Variants in NCALD observed in about 807,000 individuals in gnomAD.
The protein encoded by NCALD is neurocalcin-delta.
A neutral mutation model predicts 18.6 loss-of-function variants in NCALD; 10 were observed. The ratio of observed to expected loss-of-function variants is 0.54; its 90% confidence interval spans 0.33 to 0.91. The LOEUF (loss-of-function observed/expected upper bound fraction) is 0.91. Among genes scored for constraint, NCALD ranks in the 40% least tolerant of loss-of-function variants. The pLI is 0.03. For synonymous variants in NCALD, 88 were observed against 87.4 expected, an observed-to-expected ratio of 1.01 and a Z score of -0.04; for missense variants, 184 against 247.6, an observed-to-expected ratio of 0.74 and a Z score of 1.72.
intron 2 of NCALD, among the ~76,000 whole-genome samples, chr8:101,925,649 G>A (rs1586763991): frequency 1.3e-5 from 2 of 152,234 alleles, no homozygotes; most frequent in East Asian, 3.9e-4. Context: ...TGCCAATGAT[G>A]TCCTTGAGGG....
intron 1 of NCALD, among the ~76,000 whole-genome samples, chr8:102,114,251 C>T (rs1825719272): frequency 6.6e-6 from 1 of 152,248 alleles, no homozygotes; most frequent in African/African-American, 2.4e-5. Context: ...GATCACCCAT[C>T]CCTACCAGGA....
At chr8:101,695,612 C>A (rs1814955147) in intron 2 of NCALD, among the ~76,000 whole-genome samples, 1 of 152,130 alleles carries the variant, frequency 6.6e-6, no homozygotes, top group South Asian at 2.1e-4. Context: ...CAAAATGTTA[C>A]CCTCCTCCAG....
rs749400627 is a variant in NCALD, at chr8:101,745,069, C to T, written c.-19-25421G>A. On this transcript the variant is annotated intron_variant, in intron 1 of 3. Transcript: ENST00000220931. ...GGGTGGGGGGGACTATTCATTTCAC[C>T]GAGAACGTCCTTGATAAAGCAGTAA... Among the ~76,000 whole-genome samples the T allele has an allele frequency of 3.3e-5, 5 of 151,380 alleles. No homozygotes were observed. The South Asian group carries it at 6.3e-4, about 19-fold the overall frequency.
At chr8:101,917,181 A>G (rs1348393981) in intron 2 of NCALD, among the ~76,000 whole-genome samples, 1 of 152,108 alleles carries the variant, frequency 6.6e-6, no homozygotes, top group Non-Finnish European at 1.5e-5. Context: ...AATAGAAATA[A>G]ACTCCAAGAT....
intron 4 of NCALD, among the ~76,000 whole-genome samples, chr8:101,831,652 C>T (rs959016228): frequency 6.6e-6 from 1 of 152,144 alleles, no homozygotes; most frequent in Non-Finnish European, 1.5e-5. Flanking sequence ...ACCCACAGTT[C>T]CTTGTGGCCC....
chr8:101,692,339 C>A (rs2086092931), intron 3 of NCALD: 3 of 985,242 alleles, frequency 3.0e-6, no homozygotes, highest in Admixed American at 6.1e-5. Context: ...TCAGTGCATG[C>A]ACAGGAGACC....
intron 4 of NCALD, among the ~76,000 whole-genome samples, chr8:101,866,164 A>G (rs1815763027): frequency 6.6e-6 from 1 of 152,218 alleles, no homozygotes; most frequent in Non-Finnish European, 1.5e-5. Context: ...CCAATGGTCA[A>G]TTCTCAGCCT....
At chr8:102,107,062 C>T (rs190181750) in intron 1 of NCALD, among the ~76,000 whole-genome samples, 1 of 151,198 alleles carries the variant, frequency 6.6e-6, no homozygotes, top group Non-Finnish European at 1.5e-5. Flanking sequence ...ACTATTTAAT[C>T]ATTCTGAACT....
intron 4 of NCALD, among the ~76,000 whole-genome samples, chr8:101,831,889 T>C (rs1478025590): frequency 1.3e-5 from 2 of 152,226 alleles, no homozygotes; most frequent in Non-Finnish European, 2.9e-5. Flanking sequence ...GCATGGAAAC[T>C]CTGCACTGGC....
intron 2 of NCALD, among the ~76,000 whole-genome samples, chr8:101,917,546 T>G (rs1818012404): frequency 6.6e-6 from 1 of 152,038 alleles, no homozygotes; most frequent in African/African-American, 2.4e-5. Flanking sequence ...AACTAAAAGT[T>G]GGTTCTTTGA....
intron 2 of NCALD, among the ~76,000 whole-genome samples, chr8:101,977,026 A>G (rs1820448394): frequency 6.6e-6 from 1 of 152,166 alleles, no homozygotes; most frequent in Non-Finnish European, 1.5e-5. Context: ...ACTTCATCTC[A>G]CCATGATCTT....
At position 102,049,392 on chromosome 8, in the gene NCALD, GA is replaced by G. The variant is rs551754428; in HGVS notation, c.-209-29104del. Among the ~76,000 whole-genome samples the G allele has an allele frequency of 2.8e-3, 427 of 152,208 alleles. 3 individuals are homozygous for G. In the Middle Eastern group the frequency reaches 0.037, roughly 13 times the overall value. ...TGATAGCTCACTTCCTTTTATCGCT[GA>G]AAAAATATTCCATTGTATGGATGTG... is the stretch of plus-strand genomic sequence containing the variant. On this transcript the variant is annotated intron_variant, in intron 1 of 6. Transcript: ENST00000311028.
intron 4 of NCALD, among the ~76,000 whole-genome samples, chr8:101,855,706 A>G (rs997108714): frequency 6.6e-6 from 1 of 152,178 alleles, no homozygotes; most frequent in African/African-American, 2.4e-5. Flanking sequence ...GCATAGGTGG[A>G]AAATGACATT....
upstream of NCALD, among the ~76,000 whole-genome samples, chr8:101,792,339 T>C (rs920392791): frequency 1.3e-5 from 2 of 152,214 alleles, no homozygotes; most frequent in African/African-American, 4.8e-5. Context: ...TTCAAATCAC[T>C]TGGTCATAGA....
At chr8:101,951,240 C>A (rs1159760835) in intron 2 of NCALD, among the ~76,000 whole-genome samples, 1 of 152,140 alleles carries the variant, frequency 6.6e-6, no homozygotes, top group Non-Finnish European at 1.5e-5. Flanking sequence ...AATGGTACCC[C>A]ATGTTTTTTA....
chr8:101,812,391 C>G (rs145420089), intron 4 of NCALD, among the ~76,000 whole-genome samples: 7 of 152,196 alleles, frequency 4.6e-5, no homozygotes, highest in Non-Finnish European at 7.4e-5. Context: ...AGTCAATATC[C>G]TCTGAGCTCA....
chr8:102,024,933 C>T lies in NCALD; in HGVS notation c.-209-4644G>A, dbSNP rs889117692. 2.0e-5 allele frequency among the ~76,000 whole-genome samples: 3 copies of T among 152,134 alleles called. No individual in the cohort carries two copies. In the East Asian group the frequency reaches 5.8e-4, roughly 29 times the overall value. On this transcript the variant is annotated intron_variant, in intron 1 of 6. Coordinates refer to the NCALD transcript ENST00000311028. ...AGCCTTGTCAAGTTGCTTTGTTTTC[C>T]AATTATCAGGATACTTTGTTCTCCA...
intron 1 of NCALD, among the ~76,000 whole-genome samples, chr8:102,059,180 C>T (rs1401993674): frequency 6.6e-6 from 1 of 152,188 alleles, no homozygotes; most frequent in Non-Finnish European, 1.5e-5. Context: ...TCTCTCCTAC[C>T]TCTACTACAT....
chr8:102,006,917 T>C (rs1418967769), intron 2 of NCALD, among the ~76,000 whole-genome samples: 1 of 152,184 alleles, frequency 6.6e-6, no homozygotes, highest in African/African-American at 2.4e-5. Flanking sequence ...CCGGCATGAC[T>C]TGGGATGAAG....
Sources: gnomAD v4.1 joint callset for allele counts (sites outside exome capture counted in the v4.1 genomes callset) on GRCh38, gnomAD v4.1.1 for gene constraint, MANE v1.5 for transcripts, NCBI Gene and HGNC (gene_info 2026-07-23, HGNC 2026-07-21) for gene names.